Variants in CALCOCO2 observed in about 807,000 individuals in gnomAD.
CALCOCO2 encodes calcium-binding and coiled-coil domain-containing protein 2.
Under a neutral mutation model 62.5 loss-of-function variants are expected in CALCOCO2, and 42 were observed. The observed-to-expected ratio is 0.67, with a 90% CI of 0.53 to 0.87. The LOEUF (loss-of-function observed/expected upper bound fraction) is 0.87. Among genes scored for constraint, CALCOCO2 ranks in the 40% least tolerant of loss-of-function variants. The pLI is 0.00. For synonymous variants in CALCOCO2, 167 were observed against 173.0 expected (o/e 0.97, Z 0.27); for missense variants, 456 against 515.0 (o/e 0.89, Z 1.11).
intron 7 of CALCOCO2, 52 bp downstream of exon 7, chr17:48,851,680 C>T (rs756117813): frequency 8.6e-6 from 9 of 1,046,058 alleles, no homozygotes; most frequent in South Asian, 7.5e-5. Flanking sequence ...CTTACCACTG[C>T]TCCAATTTGG....
In CALCOCO2 at chr17:48,848,273, T is replaced by C. The variant is rs2040080066; in HGVS notation, c.284-49T>C. 5 of 1,593,980 alleles carry C rather than the reference T, an allele frequency of 3.1e-6. No individual in the cohort carries two copies. The East Asian group carries it at 1.1e-4, about 36-fold the overall frequency. Reference sequence around the variant, plus strand: ...GATAAAAAGATTTCCAGAATTTTACTTTTCTGAATAGATCTTATTTTGGAT... The same window carrying C: ...GATAAAAAGATTTCCAGAATTTTACCTTTCTGAATAGATCTTATTTTGGAT... On this transcript the variant is annotated intron_variant, in intron 3 of 12. Coordinates refer to ENST00000258947, the MANE Select transcript of CALCOCO2 (RefSeq NM_005831.5).
In CALCOCO2 at chr17:48,852,650, A is replaced by T. The variant is rs1406438339; in HGVS notation, c.825+22A>T. 5 of 1,605,042 alleles carry T rather than the reference A, an allele frequency of 3.1e-6. 1 individual carries two copies. Among genetic ancestry groups the T allele is most frequent in the East Asian group, 4.5e-5 (2 of 44,826 alleles). ...ACAGGTAGAGTCATGAGAGAAAACAACACTTTTAGGCATTTGCAAGAAAAT... is the reference window on the plus strand; with the variant it reads ...ACAGGTAGAGTCATGAGAGAAAACATCACTTTTAGGCATTTGCAAGAAAAT... On this transcript the variant is annotated intron_variant, in intron 8 of 12. Coordinates refer to ENST00000258947, the MANE Select transcript of CALCOCO2 (RefSeq NM_005831.5).
intron 3 of CALCOCO2, 35 bp downstream of exon 3, chr17:48,848,201 A>G: frequency 6.5e-7 from 1 of 1,534,084 alleles, no homozygotes; most frequent in South Asian, 1.1e-5. Flanking sequence ...TGTTGAAGAC[A>G]GTAGCCAAGA....
At chr17:48,844,634 C>T (rs950073096) in intron 2 of CALCOCO2, among the ~76,000 whole-genome samples, 1 of 152,072 alleles carries the variant, frequency 6.6e-6, no homozygotes, top group African/African-American at 2.4e-5. Flanking sequence ...TTTCCTGTCT[C>T]AGCCTCCCGA....
intron 2 of CALCOCO2, 126 bp downstream of exon 2, chr17:48,842,013 C>T: frequency 1.7e-6 from 1 of 597,010 alleles, no homozygotes; most frequent in South Asian, 2.8e-5. Flanking sequence ...AAATTCTAGC[C>T]AAGCTCCACA....
intron 10 of CALCOCO2, among the ~76,000 whole-genome samples, chr17:48,856,900 G>T (rs1331587870): frequency 2.0e-5 from 3 of 151,738 alleles, no homozygotes; most frequent in Non-Finnish European, 4.4e-5. Context: ...CTGGGCTCAA[G>T]TGATCGTCCT....
chr17:48,845,320 GGTGTGTGTGTGTGT>G (rs55686005), intron 2 of CALCOCO2, among the ~76,000 whole-genome samples: 9 of 137,252 alleles, frequency 6.6e-5, no homozygotes, highest in African/African-American at 2.2e-4. Flanking sequence ...CTATGTTGAG[GGTGTGTGTGTGTGT>G]GTGTGTGTGT....
chr17:48,862,796 T>G, intron 12 of CALCOCO2, 42 bp from the exon 13 acceptor site: 19 of 1,570,302 alleles, frequency 1.2e-5, no homozygotes, highest in Non-Finnish European at 1.7e-5. Context: ...CTGTGCCACA[T>G]ATAGCTTACA....
intron 4 of CALCOCO2, among the ~76,000 whole-genome samples, chr17:48,848,986 C>T (rs753097849): frequency 2.6e-5 from 4 of 152,206 alleles, no homozygotes; most frequent in East Asian, 1.9e-4. Context: ...CAATACTAAG[C>T]GTCTGCAAGA....
chr17:48,839,696 A>G (rs628057), intron 1 of CALCOCO2, among the ~76,000 whole-genome samples: 103,458 of 106,824 alleles, frequency 0.97, 50,067 homozygotes, highest in Middle Eastern at 0.99. Context: ...TTTTTTTTTA[A>G]ACGGAGTTTC....
intron 7 of CALCOCO2, among the ~76,000 whole-genome samples, chr17:48,851,991 G>A (rs1211700918): frequency 6.6e-6 from 1 of 152,014 alleles, no homozygotes; most frequent in Admixed American, 6.6e-5. Flanking sequence ...AATTAGCTGG[G>A]CGTGCTAATT....
At chr17:48,846,537 T>A in intron 2 of CALCOCO2, 1 of 1,135,056 alleles carries the variant, frequency 8.8e-7, no homozygotes, top group Non-Finnish European at 1.3e-6. Context: ...TGTTTCCCTG[T>A]TCCAAGGCAG....
chr17:48,831,983 GACA>G (rs1326113083), intron 1 of CALCOCO2: 3 of 152,160 alleles, frequency 2.0e-5, no homozygotes, highest in African/African-American at 7.2e-5. Flanking sequence ...TGGCAGACAT[GACA>G]GCTGTGGAAT....
At chr17:48,861,814 G>C (rs936227188) in intron 11 of CALCOCO2, among the ~76,000 whole-genome samples, 1 of 151,458 alleles carries the variant, frequency 6.6e-6, no homozygotes, top group Non-Finnish European at 1.5e-5. Flanking sequence ...TTGAGAGGCC[G>C]AGGCAGGCGG....
chr17:48,842,051 T>C, intron 2 of CALCOCO2, 164 bp downstream of exon 2: 1 of 415,902 alleles, frequency 2.4e-6, no homozygotes, highest in Non-Finnish European at 4.3e-6. Context: ...CATTAATGTG[T>C]GCTGTGGGAC....
In CALCOCO2 at chr17:48,838,190, A is replaced by G. The variant is rs558370538; in HGVS notation, c.-10-3508A>G. ...GATCAATTGAGCAAGCAGGGGGTAC[A>G]TGACTGGGGGCTGCATGTGTCGGTA... is the stretch of plus-strand genomic sequence containing the variant. On this transcript the variant is annotated intron_variant, in intron 1 of 12. Transcript: ENST00000258947. Among the ~76,000 whole-genome samples the G allele has an allele frequency of 1.0e-3, 155 of 152,082 alleles. 2 individuals are homozygous for G. Among genetic ancestry groups the G allele is most frequent in the African/African-American group, 3.7e-3 (152 of 41,488 alleles).
chr17:48,858,065 A>G (rs557613889), intron 10 of CALCOCO2, among the ~76,000 whole-genome samples: 1 of 146,862 alleles, frequency 6.8e-6, no homozygotes, highest in Non-Finnish European at 1.5e-5. Context: ...AGAATAGAAT[A>G]GAATAGAATT....
intron 1 of CALCOCO2, 78 bp from the exon 2 acceptor site, chr17:48,841,620 C>T: frequency 5.9e-6 from 6 of 1,015,306 alleles, no homozygotes; most frequent in Non-Finnish European, 8.4e-6. Flanking sequence ...CAGAATGTTC[C>T]CTGGATGAAA....
intron 10 of CALCOCO2, 166 bp downstream of exon 10, chr17:48,856,353 C>T (rs930062337): frequency 1.3e-5 from 7 of 544,704 alleles, no homozygotes; most frequent in Non-Finnish European, 2.0e-5. Context: ...TCCTAATCTA[C>T]CACAAAACCC....
Sources: gnomAD v4.1 joint callset for allele counts (sites outside exome capture counted in the v4.1 genomes callset) on GRCh38, gnomAD v4.1.1 for gene constraint, MANE v1.5 for transcripts, NCBI Gene and HGNC (gene_info 2026-07-23, HGNC 2026-07-21) for gene names.